Variants in RPS6KA6 observed in about 807,000 individuals in gnomAD.
RPS6KA6 encodes the protein ribosomal protein S6 kinase alpha-6.
In RPS6KA6, 27 loss-of-function variants were observed where a neutral mutation model predicts 65.4. The ratio of observed to expected loss-of-function variants is 0.41; its 90% CI spans 0.30 to 0.57. RPS6KA6 has a LOEUF of 0.57. Among genes scored for constraint, RPS6KA6 ranks in the 20% least tolerant of loss-of-function variants. RPS6KA6 has a pLI of 0.24. For missense variants in RPS6KA6, 486 were observed against 555.6 expected, an observed-to-expected ratio of 0.87 and a Z score of 1.26; for synonymous variants, 190 against 184.2, an observed-to-expected ratio of 1.03 and a Z score of -0.26.
rs1373422577 is a variant in RPS6KA6, at chrX:84,062,176, A to G, written c.*2101T>C. 2 of 110,831 alleles carry G rather than the reference A, an allele frequency of 1.8e-5. No individual in the cohort carries two copies. The highest frequency in any genetic ancestry group is 3.8e-5 in the Non-Finnish European group (2 of 52,654). The allele number at this position is 110,831 out of a possible 1,213,427, so 9.1% of individuals were successfully genotyped here. On this transcript the variant is annotated 3_prime_UTR_variant, in exon 22 of 22. Coordinates refer to ENST00000262752, the MANE Select transcript of RPS6KA6 (RefSeq NM_014496.5). The stretch of plus-strand genomic sequence containing the variant: ...TCCTTTTATGATAGGACTGTATGGC[A>G]TGACCTTTCTGAGCAAGCTAATTTA...
At chrX:84,084,335 T>C (rs1010900620) in intron 20 of RPS6KA6, among the ~76,000 whole-genome samples, 3 of 112,592 alleles carry the variant, frequency 2.7e-5, no homozygotes, top group Non-Finnish European at 3.7e-5. Flanking sequence ...AGGGTGTTTA[T>C]AGTTTTGGGT....
At chrX:84,085,702 T>C (rs939753255) in intron 20 of RPS6KA6, among the ~76,000 whole-genome samples, 1 of 112,065 alleles carries the variant, frequency 8.9e-6, no homozygotes, top group Non-Finnish European at 1.9e-5. Context: ...TAAAATGAGT[T>C]AGGGAGGAGT....
chrX:84,181,345 ACG>A (rs1258686454), intron 1 of RPS6KA6, among the ~76,000 whole-genome samples: 1 of 111,639 alleles, frequency 9.0e-6, no homozygotes, highest in Non-Finnish European at 1.9e-5. Flanking sequence ...AAAACTAGCT[ACG>A]GTACTAAATT....
Position 84,096,265 on chromosome X carries a change from G to A in RPS6KA6, c.1900C>T (p.Leu634=). The change falls in exon 20 of 22, where the codon CTG becomes TTG. Residue 634 remains leucine (L), a synonymous_variant. Coordinates refer to ENST00000262752, the MANE Select transcript of RPS6KA6 (RefSeq NM_014496.5). ...AATTTTCCATTGCCTATACGCAGCA[G>A]TATCTCTTCAGGAGTATCATTGGGG... ...NGPNDTPEEI[L]LRIGNGKFSL... is the part of the protein sequence containing the mutation. The A allele has an allele frequency of 8.4e-7, 1 of 1,196,811 alleles. No individual in the cohort carries two copies. The highest frequency in any genetic ancestry group is 1.1e-6 in the Non-Finnish European group (1 of 885,216).
intron 12 of RPS6KA6, 29 bp from the exon 13 acceptor site, chrX:84,107,754 C>T (rs374343496): frequency 1.8e-5 from 14 of 777,850 alleles, no homozygotes; most frequent in African/African-American, 4.2e-5. Context: ...TAACACAAAA[C>T]GTATTAAGAC....
At chrX:84,084,313 A>G (rs773012445) in intron 20 of RPS6KA6, among the ~76,000 whole-genome samples, 143 of 112,396 alleles carry the variant, frequency 1.3e-3, no homozygotes, top group Middle Eastern at 4.6e-3. Context: ...GGTATTGCCT[A>G]GATTTTCTTC....
intron 2 of RPS6KA6, among the ~76,000 whole-genome samples, chrX:84,163,645 CAAAAAAAA>C (rs1184307765): frequency 4.3e-5 from 2 of 47,013 alleles, no homozygotes; most frequent in East Asian, 6.9e-4. Context: ...GACTCCGTCT[CAAAAAAAA>C]AAAAAAAAAA....
rs780136227 is a variant in RPS6KA6 at position 84,134,032 on chromosome X, TATCTC to T, written c.646+745_646+749del. Among the ~76,000 whole-genome samples, 605 of 112,415 alleles carry T rather than the reference TATCTC, an allele frequency of 5.4e-3. 1 individual carries two copies. The highest frequency in any genetic ancestry group is 9.5e-3 in the Admixed American group (101 of 10,582). On this transcript the variant is annotated intron_variant, in intron 8 of 21. Transcript: ENST00000262752. ...ATCTGTAAAGACTACATCTTCATCT[TATCTC>T]TGTTCAAGCATTCAAATAATAAAAT...
chrX:84,187,952 G>C lies in RPS6KA6; in HGVS notation c.-53C>G. 9.4e-7 allele frequency: 1 copy of C among 1,067,955 alleles called. No homozygotes were observed. Among genetic ancestry groups the C allele is most frequent in the South Asian group, 2.1e-5 (1 of 47,882 alleles). The allele number at this position is 1,067,955 out of a possible 1,213,427, so 88.0% of individuals were successfully genotyped here. On this transcript the variant is annotated 5_prime_UTR_variant, in exon 1 of 22. Transcript: ENST00000262752. Reference sequence around the variant, plus strand: ...GCTGCCGCCTACCGCTGGCGCGGCCGCGCATCCTGTCTATTGAACTGGCCC... The same window carrying C: ...GCTGCCGCCTACCGCTGGCGCGGCCCCGCATCCTGTCTATTGAACTGGCCC...
At position 84,089,861 on chromosome X, in the gene RPS6KA6, T is replaced by A. The variant is rs748542663; in HGVS notation, c.1971+6333A>T. Among the ~76,000 whole-genome samples the A allele has an allele frequency of 4.5e-5, 5 of 112,280 alleles. No individual in the cohort carries two copies. In the South Asian group the frequency reaches 1.1e-3, roughly 25 times the overall value. On this transcript the variant is annotated intron_variant, in intron 20 of 21. Coordinates refer to ENST00000262752, the MANE Select transcript of RPS6KA6 (RefSeq NM_014496.5). ...AACACACCATTTTCACTGCTCTCCA[T>A]GAAAGCTGTGGACTGCACCTACTTA... is the stretch of plus-strand genomic sequence containing the variant.
chrX:84,101,923 T>C, intron 18 of RPS6KA6, 114 bp downstream of exon 18: 1 of 594,918 alleles, frequency 1.7e-6, no homozygotes, highest in Non-Finnish European at 2.4e-6. Flanking sequence ...ACTTTAAAAC[T>C]GAAAAGGGCA....
At chrX:84,181,722 T>C (rs780426351) in intron 1 of RPS6KA6, among the ~76,000 whole-genome samples, 1 of 110,455 alleles carries the variant, frequency 9.1e-6, no homozygotes, top group Non-Finnish European at 1.9e-5. Context: ...GGATAATTTT[T>C]TTACACTCCC....
At position 84,119,963 on chromosome X, in the gene RPS6KA6, T is replaced by G; in HGVS notation, c.711A>C (p.Val237=). 1 of 1,194,246 alleles carries G rather than the reference T, an allele frequency of 8.4e-7. No individual in the cohort carries two copies. Among genetic ancestry groups the G allele is most frequent in the Non-Finnish European group, 1.1e-6 (1 of 883,185 alleles). ...TTACTACTTCAGGAGCCATATACTC[T>G]ACTGTACCACAAAATGAGTAAGCCT... ...EKKAYSFCGT[V]EYMAPEVVNR... is the part of the protein sequence containing the mutation. Residue 237 remains valine (V), a synonymous_variant, in exon 9 of 22, where the codon GTA becomes GTC. Transcript: ENST00000262752.
chrX:84,139,792 T>G (rs183235601), intron 6 of RPS6KA6, among the ~76,000 whole-genome samples: 1 of 112,347 alleles, frequency 8.9e-6, no homozygotes, highest in Non-Finnish European at 1.9e-5. Context: ...ATGATACTTT[T>G]AAGACATTGG....
rs745581068 is a variant in RPS6KA6 at position 84,137,598 on chromosome X, T to C, written c.502-2388A>G. On this transcript the variant is annotated intron_variant, in intron 6 of 21. Transcript: ENST00000262752. ...CCCATCAGCAGTTTACGAAAGCATC[T>C]GTCTTACCACATCCTTGATAGCATG... 1.7e-3 allele frequency among the ~76,000 whole-genome samples: 185 copies of C among 112,120 alleles called. 1 individual carries two copies. Among genetic ancestry groups the C allele is most frequent in the African/African-American group, 5.7e-3 (177 of 30,926 alleles).
intron 8 of RPS6KA6, among the ~76,000 whole-genome samples, chrX:84,132,982 C>T (rs1041966111): frequency 3.7e-5 from 4 of 109,135 alleles, no homozygotes; most frequent in African/African-American, 1.3e-4. Context: ...CAAACACCCT[C>T]CCTAGGAGAA....
At chrX:84,092,950 A>T (rs1295877140) in intron 20 of RPS6KA6, among the ~76,000 whole-genome samples, 1 of 112,204 alleles carries the variant, frequency 8.9e-6, no homozygotes, top group African/African-American at 3.2e-5. Flanking sequence ...TCAACATATG[A>T]ATTGATAAAG....
At chrX:84,071,909 C>T (rs1298661620) in intron 20 of RPS6KA6, among the ~76,000 whole-genome samples, 3 of 111,534 alleles carry the variant, frequency 2.7e-5, no homozygotes, top group African/African-American at 9.8e-5. Flanking sequence ...TCTGAACAGA[C>T]CAATAGAAAG....
chrX:84,119,513 A>G (rs1435701299), intron 9 of RPS6KA6, among the ~76,000 whole-genome samples: 1 of 111,643 alleles, frequency 9.0e-6, no homozygotes, highest in Non-Finnish European at 1.9e-5. Flanking sequence ...GAATACATGG[A>G]ACAATCTGAC....
Sources: gnomAD v4.1 joint callset for allele counts (sites outside exome capture counted in the v4.1 genomes callset) on GRCh38, gnomAD v4.1.1 for gene constraint, MANE v1.5 for transcripts, NCBI Gene and HGNC (gene_info 2026-07-23, HGNC 2026-07-21) for gene names.